The following GADD45B variants were observed in gnomAD, a reference collection of about 807,000 sequenced individuals.
The protein encoded by GADD45B is growth arrest and DNA damage-inducible protein GADD45 beta.
A neutral mutation model predicts 15.2 loss-of-function variants in GADD45B; 8 were observed. That is an observed-to-expected ratio of 0.53 (90% CI 0.31 to 0.95). The LOEUF (loss-of-function observed/expected upper bound fraction) is 0.95. GADD45B is among the 40% of genes least tolerant of loss of function. The probability of loss-of-function intolerance (pLI) is 0.05; values close to 1 mark genes in which losing one functional copy is unlikely to be tolerated. For missense variants in GADD45B, 162 were observed against 216.6 expected (o/e 0.75, Z 1.58); for synonymous variants, 100 against 89.8 (o/e 1.11, Z -0.64).
rs1972313867 is a variant in GADD45B at position 2,476,418 on chromosome 19, T to G, written c.44+16T>G. On this transcript the variant is annotated intron_variant, in intron 1 of 3. Transcript: ENST00000215631. Reference sequence around the variant, plus strand: ...CGGCGCAGAAGTAAGTAGCCGGGGCTGCCGCCGCCTGAGGTCAGCCGGGAC... The same window carrying G: ...CGGCGCAGAAGTAAGTAGCCGGGGCGGCCGCCGCCTGAGGTCAGCCGGGAC... 1 of 1,611,330 alleles carries G rather than the reference T, an allele frequency of 6.2e-7. No homozygotes were observed. Among genetic ancestry groups the G allele is most frequent in the South Asian group, 1.1e-5 (1 of 91,054 alleles).
At position 2,477,663 on chromosome 19, in the gene GADD45B, T is replaced by C. The variant is rs1972337755; in HGVS notation, c.*62T>C. ...CACAAACAAAAAATACAATAAATAT[T>C]TGAACCCCCTCCCCCCCAGCACAAC... On this transcript the variant is annotated 3_prime_UTR_variant, in exon 4 of 4. Coordinates refer to ENST00000215631, the MANE Select transcript of GADD45B (RefSeq NM_015675.4). The surrounding 1 kb of genome is among the most constrained non-coding windows in gnomAD (Gnocchi z 4.2). 7 of 812,642 alleles carry C rather than the reference T, an allele frequency of 8.6e-6. No homozygotes were observed. The highest frequency in any genetic ancestry group is 1.4e-5 in the Non-Finnish European group (7 of 491,120). The allele number at this position is 812,642 out of a possible 1,614,324, so 50.3% of individuals were successfully genotyped here.
rs928564199 is a variant in GADD45B, at chr19:2,477,849, C to T, written c.*248C>T. On this transcript the variant is annotated 3_prime_UTR_variant, in exon 4 of 4. Coordinates refer to ENST00000215631, the MANE Select transcript of GADD45B (RefSeq NM_015675.4). This position sits in a 1 kb window ranked among gnomAD's most constrained non-coding sequence, Gnocchi z 4.2. ...ATGGAGAAGGGGGGACCCAGGCCAG[C>T]AGGAGACAGGACCCCCGAAGCTGAG... 1.1e-5 allele frequency: 4 copies of T among 365,422 alleles called. No homozygotes were observed. In the Admixed American group the frequency reaches 1.2e-4, roughly 11 times the overall value. 22.6% of individuals were successfully genotyped at this position (365,422 alleles called of 1,614,324 possible). A position where few individuals can be genotyped will look rare whatever the true frequency, so the allele number is the denominator to read the frequency against.
In GADD45B at chr19:2,477,316, T is replaced by C; in HGVS notation, c.369+65T>C. 1 of 1,226,778 alleles carries C rather than the reference T, an allele frequency of 8.2e-7. No individual in the cohort carries two copies. The highest frequency in any genetic ancestry group is 1.1e-6 in the Non-Finnish European group (1 of 882,788). The allele number at this position is 1,226,778 out of a possible 1,614,324, so 76.0% of individuals were successfully genotyped here. On this transcript the variant is annotated intron_variant, in intron 3 of 3. Transcript: ENST00000215631. This position sits in a 1 kb window ranked among gnomAD's most constrained non-coding sequence, Gnocchi z 4.2. ...CCTGGGCCGGTGTTTGTCAACAAAGTCGGGCTGACTGGTCCTGCACAGCTC... is the reference window on the plus strand; with the variant it reads ...CCTGGGCCGGTGTTTGTCAACAAAGCCGGGCTGACTGGTCCTGCACAGCTC...
chr19:2,477,935 G>A lies in GADD45B; in HGVS notation c.*334G>A. The A allele has an allele frequency of 4.4e-6, 1 of 228,182 alleles. No individual in the cohort carries two copies. Among genetic ancestry groups the A allele is most frequent in the Non-Finnish European group, 9.1e-6 (1 of 110,250 alleles). 14.1% of individuals were successfully genotyped at this position (228,182 alleles called of 1,614,324 possible). A position where few individuals can be genotyped will look rare whatever the true frequency, so the allele number is the denominator to read the frequency against. On this transcript the variant is annotated 3_prime_UTR_variant, in exon 4 of 4. Transcript: ENST00000215631. This position sits in a 1 kb window ranked among gnomAD's most constrained non-coding sequence, Gnocchi z 4.2. ...ACGCTGCCGCCTTCCCCATCACGGA[G>A]GGTCCAGACTGTCCACTCGGGGGTG...
intron 2 of GADD45B, 29 bp downstream of exon 2, chr19:2,476,659 C>A: frequency 1.5e-6 from 2 of 1,374,388 alleles, no homozygotes; most frequent in Non-Finnish European, 2.0e-6. Context: ...CCGGGCTGGG[C>A]GCGGGTGGGA....
In GADD45B at chr19:2,477,581, A is replaced by G. The variant is rs1443539620; in HGVS notation, c.463A>G (p.Ile155Val). 12 of 1,604,336 alleles carry G rather than the reference A, an allele frequency of 7.5e-6. No homozygotes were observed. Among genetic ancestry groups the G allele is most frequent in the Admixed American group, 1.7e-5 (1 of 59,942 alleles). ...SRGNNQWVPYISLQER is the reference protein window; with the variant it reads ...SRGNNQWVPYVSLQER ...GGGCAACAACCAGTGGGTCCCCTAC[A>G]TCTCTCTTCAGGAACGCTGAGGCCC... Residue 155 changes from isoleucine to valine, a missense_variant, in exon 4 of 4, where the codon ATC becomes GTC. By Grantham distance (29) the Ile-to-Val change is conservative. Coordinates refer to ENST00000215631, the MANE Select transcript of GADD45B (RefSeq NM_015675.4). This position sits in a 1 kb window ranked among gnomAD's most constrained non-coding sequence, Gnocchi z 4.2.
Position 2,476,613 on chromosome 19 carries a change from G to C in GADD45B, c.129G>C (p.Ser43=). 6.3e-7 allele frequency: 1 copy of C among 1,575,610 alleles called. No homozygotes were observed. Among genetic ancestry groups the C allele is most frequent in the Non-Finnish European group, 8.6e-7 (1 of 1,156,730 alleles). ...QDRLTVGVYE[S]AKLMNVDPDS... ...GCCTCACAGTGGGGGTGTACGAGTCGGCCAAGTTGATGAATGTGTGAGTCA... is the reference window on the plus strand; with the variant it reads ...GCCTCACAGTGGGGGTGTACGAGTCCGCCAAGTTGATGAATGTGTGAGTCA... The change falls in exon 2 of 4, where the codon TCG becomes TCC. Residue 43 remains serine (S), a synonymous_variant. Transcript: ENST00000215631.
Position 2,477,672 on chromosome 19 carries a change from C to T in GADD45B, c.*71C>T. On this transcript the variant is annotated 3_prime_UTR_variant, in exon 4 of 4. Coordinates refer to ENST00000215631, the MANE Select transcript of GADD45B (RefSeq NM_015675.4). The surrounding 1 kb of genome is among the most constrained non-coding windows in gnomAD (Gnocchi z 4.2). Reference sequence around the variant, plus strand: ...AAAATACAATAAATATTTGAACCCCCTCCCCCCCAGCACAACCCCCCCAAA... The same window carrying T: ...AAAATACAATAAATATTTGAACCCCTTCCCCCCCAGCACAACCCCCCCAAA... The T allele has an allele frequency of 1.3e-6, 1 of 774,198 alleles. No individual in the cohort carries two copies. Among genetic ancestry groups the T allele is most frequent in the Non-Finnish European group, 2.2e-6 (1 of 460,370 alleles). 48.0% of individuals were successfully genotyped at this position (774,198 alleles called of 1,614,324 possible). A position where few individuals can be genotyped will look rare whatever the true frequency, so the allele number is the denominator to read the frequency against.
At position 2,477,273 on chromosome 19, in the gene GADD45B, C is replaced by G; in HGVS notation, c.369+22C>G. On this transcript the variant is annotated intron_variant, in intron 3 of 3. Transcript: ENST00000215631. The surrounding 1 kb of genome is among the most constrained non-coding windows in gnomAD (Gnocchi z 4.2). Reference sequence around the variant, plus strand: ...CACGGTGAGTCGGGCCTCTGCCCTGCCCCGCCACGCCCGGGCACCTGGGCC... The same window carrying G: ...CACGGTGAGTCGGGCCTCTGCCCTGGCCCGCCACGCCCGGGCACCTGGGCC... 6.9e-7 allele frequency: 1 copy of G among 1,458,072 alleles called. No homozygotes were observed. The highest frequency in any genetic ancestry group is 9.3e-7 in the Non-Finnish European group (1 of 1,078,562). 90.3% of individuals were successfully genotyped at this position (1,458,072 alleles called of 1,614,324 possible).
In GADD45B at chr19:2,477,699, C is replaced by G. The variant is rs1972339688; in HGVS notation, c.*98C>G. 1 of 598,766 alleles carries G rather than the reference C, an allele frequency of 1.7e-6. No homozygotes were observed. The highest frequency in any genetic ancestry group is 3.0e-6 in the Non-Finnish European group (1 of 336,794). 37.1% of individuals were successfully genotyped at this position (598,766 alleles called of 1,614,324 possible). On this transcript the variant is annotated 3_prime_UTR_variant, in exon 4 of 4. Coordinates refer to ENST00000215631, the MANE Select transcript of GADD45B (RefSeq NM_015675.4). This position sits in a 1 kb window ranked among gnomAD's most constrained non-coding sequence, Gnocchi z 4.2. ...CCCCCCCAGCACAACCCCCCCAAAA[C>G]AACCCAACCCACGAGGACCATCGGG...
At chr19:2,476,976 G>A (rs1972325721) in intron 2 of GADD45B, 53 bp from the exon 3 acceptor site, 5 of 1,214,034 alleles carry the variant, frequency 4.1e-6, no homozygotes, top group Non-Finnish European at 6.1e-6. Flanking sequence ...CCCCTGCACG[G>A]TGGCCCCTCC....
chr19:2,476,788 C>T (rs1972322150), intron 2 of GADD45B, 158 bp downstream of exon 2: 1 of 615,590 alleles, frequency 1.6e-6, no homozygotes, highest in Non-Finnish European at 2.8e-6. Flanking sequence ...GGATCGGGGG[C>T]TGCCGTATCC....
At position 2,476,645 on chromosome 19, in the gene GADD45B, C is replaced by G; in HGVS notation, c.146+15C>G. 6.8e-7 allele frequency: 1 copy of G among 1,478,426 alleles called. No individual in the cohort carries two copies. Among genetic ancestry groups the G allele is most frequent in the South Asian group, 1.3e-5 (1 of 79,014 alleles). 91.6% of individuals were successfully genotyped at this position (1,478,426 alleles called of 1,614,324 possible). On this transcript the variant is annotated intron_variant, in intron 2 of 3. Transcript: ENST00000215631. The stretch of plus-strand genomic sequence containing the variant: ...TTGATGAATGTGTGAGTCAGACCCC[C>G]TTCCCGGGCTGGGCGCGGGTGGGAC...
Position 2,477,242 on chromosome 19 carries a change from C to T in GADD45B, c.360C>T (p.Leu120=), listed in dbSNP as rs760988383. ...GTTEARDLHC[L]LVTNPHTDAW... Reference sequence around the variant, plus strand: ...CCGAGGCCCGAGACCTGCATTGTCTCCTGGTCACGGTGAGTCGGGCCTCTG... The same window carrying T: ...CCGAGGCCCGAGACCTGCATTGTCTTCTGGTCACGGTGAGTCGGGCCTCTG... The change falls in exon 3 of 4, where the codon CTC becomes CTT. Residue 120 remains leucine, a synonymous_variant. Transcript: ENST00000215631. The surrounding 1 kb of genome is among the most constrained non-coding windows in gnomAD (Gnocchi z 4.2). 5.8e-5 allele frequency: 91 copies of T among 1,577,634 alleles called. No individual in the cohort carries two copies. Among genetic ancestry groups the T allele is most frequent in the Non-Finnish European group, 6.7e-5 (78 of 1,164,956 alleles).
intron 2 of GADD45B, 124 bp downstream of exon 2, chr19:2,476,754 T>G: frequency 1.5e-6 from 1 of 655,042 alleles, no homozygotes; most frequent in Non-Finnish European, 2.6e-6. Flanking sequence ...CCGCTGTGGA[T>G]GCAGAGCTTC....
rs1461455645 is a variant in GADD45B, at chr19:2,476,974, C to T, written c.147-55C>T. On this transcript the variant is annotated intron_variant, in intron 2 of 3. Transcript: ENST00000215631. ...TCCTTTTTTGCAAACTCCCCCTGCA[C>T]GGTGGCCCCTCCCCTGTCCCCGGCT... 5 of 1,191,092 alleles carry T rather than the reference C, an allele frequency of 4.2e-6. No individual in the cohort carries two copies. In the East Asian group the frequency reaches 9.4e-5, roughly 22 times the overall value. 73.8% of individuals were successfully genotyped at this position (1,191,092 alleles called of 1,614,324 possible). A position where few individuals can be genotyped will look rare whatever the true frequency, so the allele number is the denominator to read the frequency against.
chr19:2,476,437 C>CCGGGA (rs3783495), intron 1 of GADD45B, 35 bp downstream of exon 1: 40,729 of 1,609,728 alleles, frequency 0.025, 636 homozygotes, highest in Non-Finnish European at 0.03. Context: ...CTGAGGTCAG[C>CCGGGA]CGGGACGGGA....
At position 2,477,048 on chromosome 19, in the gene GADD45B, C is replaced by A; in HGVS notation, c.166C>A (p.Leu56Ile). Residue 56 changes from leucine (L) to isoleucine (I), a missense_variant, in exon 3 of 4, where the codon CTC becomes ATC. Coordinates refer to ENST00000215631, the MANE Select transcript of GADD45B (RefSeq NM_015675.4). This position sits in a 1 kb window ranked among gnomAD's most constrained non-coding sequence, Gnocchi z 4.2. ...LMNVDPDSVV[L>I]CLLAIDEEEE... Reference sequence around the variant, plus strand: ...CCTCAGGGACCCAGACAGCGTGGTCCTCTGCCTCTTGGCCATTGACGAGGA... The same window carrying A: ...CCTCAGGGACCCAGACAGCGTGGTCATCTGCCTCTTGGCCATTGACGAGGA... 2 of 1,613,556 alleles carry A rather than the reference C, an allele frequency of 1.2e-6. No homozygotes were observed. The highest frequency in any genetic ancestry group is 1.7e-6 in the Non-Finnish European group (2 of 1,179,658).
rs1972345887 is a variant in GADD45B at position 2,478,142 on chromosome 19, C to T, written c.*541C>T. ...ACTCCCAGTTTGCGAATTATAGAGACAATCTATTTTGTTACTTGCACTTGT... is the reference window on the plus strand; with the variant it reads ...ACTCCCAGTTTGCGAATTATAGAGATAATCTATTTTGTTACTTGCACTTGT... On this transcript the variant is annotated 3_prime_UTR_variant, in exon 4 of 4. Coordinates refer to ENST00000215631, the MANE Select transcript of GADD45B (RefSeq NM_015675.4). 6.6e-6 allele frequency: 1 copy of T among 152,350 alleles called. No homozygotes were observed. The highest frequency in any genetic ancestry group is 2.4e-5 in the African/African-American group (1 of 41,434). The allele number at this position is 152,350 out of a possible 1,614,324, so 9.4% of individuals were successfully genotyped here. A position where few individuals can be genotyped will look rare whatever the true frequency, so the allele number is the denominator to read the frequency against.
Sources: allele counts gnomAD v4.1 joint callset, GRCh38; gene constraint gnomAD v4.1.1; non-coding constraint Gnocchi (gnomAD v3.1); transcripts MANE v1.5; gene names NCBI Gene and HGNC (gene_info 2026-07-23, HGNC 2026-07-21).